MTF1: variants seen among roughly 807,000 people sequenced by gnomAD.
The protein encoded by MTF1 is MRE-binding transcription factor.
A neutral mutation model predicts 70.4 loss-of-function variants in MTF1; 22 were observed. The observed-to-expected ratio is 0.31, with a 90% CI of 0.22 to 0.45. MTF1 has a LOEUF of 0.45. Ranked by LOEUF, MTF1 falls within the 20% of genes least tolerant of loss-of-function variation. The pLI is 1.00. For missense variants in MTF1, 649 were observed against 922.0 expected (o/e 0.70, Z 3.83); for synonymous variants, 333 against 352.8 (o/e 0.94, Z 0.63).
chr1:37,857,666 T>C lies in MTF1; in HGVS notation c.-8A>G, dbSNP rs1422724323. On this transcript the variant is annotated 5_prime_UTR_variant, in exon 2 of 11. Coordinates refer to ENST00000373036, the MANE Select transcript of MTF1 (RefSeq NM_005955.3). ...TGGACTGTGTTCCCCCATGGTTCAG[T>C]TGTGCTCAGCCCAGTTGTGAGAAAT... 4 of 1,612,870 alleles carry C rather than the reference T, an allele frequency of 2.5e-6. No individual in the cohort carries two copies. Among genetic ancestry groups the C allele is most frequent in the South Asian group, 2.2e-5 (2 of 90,974 alleles).
At position 37,857,624 on chromosome 1, in the gene MTF1, T is replaced by A. The variant is rs770803909; in HGVS notation, c.35A>T (p.Tyr12Phe). ...CAGCTCATCTTCCTCTGCCTCAAAG[T>A]AGATGATGTTGTTGTCTGGACTGTG... ...GEHSPDNNII[Y>F]FEAEEDELTP... The change falls in exon 2 of 11, where the codon TAC becomes TTC. Residue 12 changes from tyrosine to phenylalanine, a missense_variant. Around this residue, in one of 7 missense-constraint regions of MTF1, gnomAD observed 34 missense variants for 38.7 expected, o/e 0.88. Coordinates refer to ENST00000373036, the MANE Select transcript of MTF1 (RefSeq NM_005955.3). The A allele has an allele frequency of 6.2e-7, 1 of 1,614,034 alleles. No homozygotes were observed. The highest frequency in any genetic ancestry group is 1.7e-5 in the Admixed American group (1 of 60,014).
chr1:37,837,243 T>C (rs1415367462), intron 4 of MTF1, among the ~76,000 whole-genome samples: 1 of 151,908 alleles, frequency 6.6e-6, no homozygotes, highest in African/African-American at 2.4e-5. Context: ...AAATTTTCTG[T>C]AGAGTCAGGG....
At chr1:37,855,718 A>G (rs1432229650) in intron 2 of MTF1, among the ~76,000 whole-genome samples, 1 of 152,182 alleles carries the variant, frequency 6.6e-6, no homozygotes, top group Non-Finnish European at 1.5e-5. Flanking sequence ...GCACTTTGGA[A>G]GGCCAAGGCA....
At chr1:37,848,840 A>G (rs1238913220) in intron 2 of MTF1, among the ~76,000 whole-genome samples, 1 of 152,224 alleles carries the variant, frequency 6.6e-6, no homozygotes, top group Non-Finnish European at 1.5e-5. Flanking sequence ...TAATCACAGT[A>G]TGCAAAGACT....
At chr1:37,858,637 T>C (rs888377930) in intron 1 of MTF1, 3 of 152,196 alleles carry the variant, frequency 2.0e-5, no homozygotes, top group African/African-American at 7.2e-5. Context: ...CCTGAATCAA[T>C]TGAGTCTTAT....
At chr1:37,855,205 T>C (rs947537871) in intron 2 of MTF1, among the ~76,000 whole-genome samples, 3 of 152,188 alleles carry the variant, frequency 2.0e-5, no homozygotes, top group Non-Finnish European at 4.4e-5. Flanking sequence ...GAAAAATCCA[T>C]GATCTTCAAA....
At chr1:37,846,810 T>C (rs1026167604) in intron 2 of MTF1, among the ~76,000 whole-genome samples, 1 of 152,198 alleles carries the variant, frequency 6.6e-6, no homozygotes, top group Non-Finnish European at 1.5e-5. Context: ...GGGTTTTTCC[T>C]GGAGGAAAAG....
At chr1:37,854,452 G>C (rs1641460617) in intron 2 of MTF1, among the ~76,000 whole-genome samples, 2 of 152,112 alleles carry the variant, frequency 1.3e-5, no homozygotes, top group Non-Finnish European at 2.9e-5. Flanking sequence ...TTGTTGTAGG[G>C]GGCTGTCCTG....
chr1:37,857,630 A>T lies in MTF1; in HGVS notation c.29T>A (p.Ile10Asn). Residue 10 changes from isoleucine to asparagine, a missense_variant, in exon 2 of 11, where the codon ATC (isoleucine) becomes AAC (asparagine). By Grantham distance (149) the Ile-to-Asn change is moderately radical. This residue lies in a region of MTF1 where 34 missense variants were observed against 38.7 expected (regional missense o/e 0.88). Coordinates refer to ENST00000373036, the MANE Select transcript of MTF1 (RefSeq NM_005955.3). ...ATCTTCCTCTGCCTCAAAGTAGATG[A>T]TGTTGTTGTCTGGACTGTGTTCCCC... MGEHSPDNN[I>N]IYFEAEEDEL... 2.5e-6 allele frequency: 4 copies of T among 1,613,970 alleles called. No individual in the cohort carries two copies. In the South Asian group the frequency reaches 3.3e-5, roughly 13 times the overall value.
intron 2 of MTF1, among the ~76,000 whole-genome samples, chr1:37,851,514 C>T (rs763699736): frequency 5.9e-5 from 9 of 152,184 alleles, no homozygotes; most frequent in Non-Finnish European, 1.3e-4. Context: ...TCAGCATTTC[C>T]CAAAATGTGT....
In MTF1 at chr1:37,813,745, T is replaced by C. The variant is rs1301105592; in HGVS notation, c.*1391A>G. ...TGGTCAGCACTCATGACTATGTTAA[T>C]ATAGCCTGTTGAGGGAAACTTTTCA... On this transcript the variant is annotated 3_prime_UTR_variant, in exon 11 of 11. Transcript: ENST00000373036. 1 of 152,368 alleles carries C rather than the reference T, an allele frequency of 6.6e-6. No homozygotes were observed. The highest frequency in any genetic ancestry group is 1.5e-5 in the Non-Finnish European group (1 of 68,042). 9.4% of individuals were successfully genotyped at this position (152,368 alleles called of 1,614,324 possible). A position where few individuals can be genotyped will look rare whatever the true frequency, so the allele number is the denominator to read the frequency against.
intron 3 of MTF1, among the ~76,000 whole-genome samples, chr1:37,839,378 A>G (rs1233329633): frequency 6.6e-6 from 1 of 152,302 alleles, no homozygotes; most frequent in African/African-American, 2.4e-5. Context: ...TGTGGGGACT[A>G]GCACTTGGAA....
At chr1:37,831,767 T>G (rs1335304228) in intron 7 of MTF1, among the ~76,000 whole-genome samples, 1 of 152,162 alleles carries the variant, frequency 6.6e-6, no homozygotes, top group African/African-American at 2.4e-5. Flanking sequence ...AGGGAAATTT[T>G]TCTCTCCCCA....
At chr1:37,820,752 C>A (rs1640897517) in intron 9 of MTF1, among the ~76,000 whole-genome samples, 1 of 152,096 alleles carries the variant, frequency 6.6e-6, no homozygotes, top group Non-Finnish European at 1.5e-5. Flanking sequence ...AAAGAATGGA[C>A]CCTAAACTAT....
At chr1:37,827,336 G>GTTGTTATTATTA (rs750797039) in intron 7 of MTF1, among the ~76,000 whole-genome samples, 12 of 144,086 alleles carry the variant, frequency 8.3e-5, no homozygotes, top group Admixed American at 3.5e-4. Flanking sequence ...CCTCATAGTT[G>GTTGTTATTATTA]TTATTATTAT....
rs1356138689 is a variant in MTF1, at chr1:37,812,793, T to C, written c.*2343A>G. ...GGTCCCATCACTACTCTCTCAGAAG[T>C]TGTAAACAGCAAGGGCCCTACCTCA... is the stretch of plus-strand genomic sequence containing the variant. On this transcript the variant is annotated 3_prime_UTR_variant, in exon 11 of 11. Transcript: ENST00000373036. 6.6e-6 allele frequency: 1 copy of C among 152,150 alleles called. No individual in the cohort carries two copies. Among genetic ancestry groups the C allele is most frequent in the African/African-American group, 2.4e-5 (1 of 41,406 alleles). The allele number at this position is 152,150 out of a possible 1,614,324, so 9.4% of individuals were successfully genotyped here. A position where few individuals can be genotyped will look rare whatever the true frequency, so the allele number is the denominator to read the frequency against.
At position 37,815,602 on chromosome 1, in the gene MTF1, G is replaced by C. The variant is rs748576565; in HGVS notation, c.1832-36C>G. The stretch of plus-strand genomic sequence containing the variant: ...GGCAAGAGAGACTGCTCTTCAAGTA[G>C]CTGCAGGGGCAGGAGCATGAGGGAC... On this transcript the variant is annotated intron_variant, in intron 10 of 10. Transcript: ENST00000373036. This position sits in a 1 kb window ranked among gnomAD's most constrained non-coding sequence, Gnocchi z 4.5. The C allele has an allele frequency of 6.7e-7, 1 of 1,482,486 alleles. No homozygotes were observed. The highest frequency in any genetic ancestry group is 1.4e-5 in the African/African-American group (1 of 70,912). 91.8% of individuals were successfully genotyped at this position (1,482,486 alleles called of 1,614,324 possible). A position where few individuals can be genotyped will look rare whatever the true frequency, so the allele number is the denominator to read the frequency against.
intron 7 of MTF1, among the ~76,000 whole-genome samples, chr1:37,830,754 C>T (rs1053084994): frequency 2.0e-5 from 3 of 152,216 alleles, no homozygotes; most frequent in Admixed American, 6.5e-5. Context: ...AACTTCATCT[C>T]CCTTGCAGTG....
At chr1:37,854,164 C>T (rs955662503) in intron 2 of MTF1, among the ~76,000 whole-genome samples, 8 of 152,158 alleles carry the variant, frequency 5.3e-5, no homozygotes, top group Admixed American at 1.3e-4. Flanking sequence ...TCTGCCACCA[C>T]GCCCGGCTAA....
Sources: gnomAD v4.1 joint callset for allele counts (sites outside exome capture counted in the v4.1 genomes callset) on GRCh38, gnomAD v4.1.1 for gene constraint, gnomAD v4.1.1 regional missense constraint, Gnocchi (gnomAD v3.1) non-coding constraint, MANE v1.5 for transcripts, NCBI Gene and HGNC (gene_info 2026-07-23, HGNC 2026-07-21) for gene names.